BBX: variants seen among roughly 807,000 people sequenced by gnomAD.
BBX encodes the protein BBX high mobility group box domain containing, also known as HMG box transcription factor BBX.
A neutral mutation model predicts 100.2 loss-of-function variants in BBX; 30 were observed. The observed-to-expected ratio is 0.30, with a 90% CI of 0.22 to 0.41. BBX has a LOEUF of 0.41. Among genes scored for constraint, BBX ranks in the 10% least tolerant of loss-of-function variants. The pLI, the probability that BBX is intolerant of heterozygous loss-of-function variation, is 1.00. For synonymous variants in BBX, 376 were observed against 388.1 expected, an observed-to-expected ratio of 0.97 and a Z score of 0.37; for missense variants, 1,023 against 1,129.8, an observed-to-expected ratio of 0.91 and a Z score of 1.35.
chr3:107,772,248 C>G (rs1034482635), intron 10 of BBX, among the ~76,000 whole-genome samples: 1 of 152,162 alleles, frequency 6.6e-6, no homozygotes, highest in Non-Finnish European at 1.5e-5. Context: ...ACAGAAGCCA[C>G]AGAGGAGTGA....
intron 12 of BBX, among the ~76,000 whole-genome samples, chr3:107,775,092 T>C (rs941852520): frequency 6.6e-6 from 1 of 152,194 alleles, no homozygotes; most frequent in Non-Finnish European, 1.5e-5. Context: ...AGTGAAAATA[T>C]ATAGACTTTA....
chr3:107,575,753 A>G (rs778128890), intron 2 of BBX, among the ~76,000 whole-genome samples: 3 of 152,162 alleles, frequency 2.0e-5, no homozygotes, highest in Non-Finnish European at 2.9e-5. Context: ...AATAATTTCA[A>G]TAGGCAGTAG....
At chr3:107,775,499 G>C (rs1451882161) in intron 12 of BBX, among the ~76,000 whole-genome samples, 1 of 152,084 alleles carries the variant, frequency 6.6e-6, no homozygotes, top group East Asian at 1.9e-4. Flanking sequence ...TGTTAGTTAG[G>C]AGATCCAATA....
chr3:107,531,607 CT>C lies in BBX; in HGVS notation c.-84+5210del, dbSNP rs534447995. 8.6e-5 allele frequency among the ~76,000 whole-genome samples: 13 copies of C among 151,684 alleles called. No individual in the cohort carries two copies. The South Asian group carries it at 2.7e-3, about 32-fold the overall frequency. ...TTTTTCTCTAAAGTGATTCTCACCT[CT>C]AGTTATCATGAAACATGGGTATGTT... On this transcript the variant is annotated intron_variant, in intron 2 of 17. Transcript: ENST00000325805.
chr3:107,741,018 C>G (rs2064054193), intron 7 of BBX, among the ~76,000 whole-genome samples: 1 of 150,062 alleles, frequency 6.7e-6, no homozygotes, highest in Non-Finnish European at 1.5e-5. Context: ...GTCTTTGTGT[C>G]TGGCATGTCA....
chr3:107,671,838 A>G (rs1486414489), intron 3 of BBX, among the ~76,000 whole-genome samples: 1 of 152,082 alleles, frequency 6.6e-6, no homozygotes, highest in Non-Finnish European at 1.5e-5. Flanking sequence ...TGCTACAAGA[A>G]TAATGACCAC....
At chr3:107,770,082 A>C (rs1417904536) in intron 10 of BBX, among the ~76,000 whole-genome samples, 1 of 152,250 alleles carries the variant, frequency 6.6e-6, no homozygotes, top group Admixed American at 6.5e-5. Context: ...AATTACCTAC[A>C]CAAGAAATAT....
chr3:107,536,264 G>A (rs895242471), intron 2 of BBX, among the ~76,000 whole-genome samples: 3 of 152,158 alleles, frequency 2.0e-5, no homozygotes, highest in Non-Finnish European at 4.4e-5. Flanking sequence ...TTGCTTTTTG[G>A]TACTAAGAGC....
At chr3:107,745,606 A>G (rs1277408017) in intron 8 of BBX, among the ~76,000 whole-genome samples, 2 of 151,930 alleles carry the variant, frequency 1.3e-5, no homozygotes, top group East Asian at 3.9e-4. Context: ...GACTGCAGGC[A>G]CATGCCACCA....
chr3:107,630,163 T>C (rs1267873034), intron 2 of BBX, among the ~76,000 whole-genome samples: 1 of 152,188 alleles, frequency 6.6e-6, no homozygotes, highest in Non-Finnish European at 1.5e-5. Flanking sequence ...TCTGGATGCC[T>C]GAGACCAATG....
chr3:107,554,144 G>A (rs546919942), intron 2 of BBX, among the ~76,000 whole-genome samples: 1 of 152,316 alleles, frequency 6.6e-6, no homozygotes, highest in South Asian at 2.1e-4. Flanking sequence ...CTAAACCCAG[G>A]AGTGCCGGGT....
chr3:107,553,941 T>C (rs754702787), intron 2 of BBX, among the ~76,000 whole-genome samples: 1 of 152,226 alleles, frequency 6.6e-6, no homozygotes, highest in Non-Finnish European at 1.5e-5. Flanking sequence ...AGGTTTGTTA[T>C]GTGTTTTTTT....
chr3:107,596,477 C>T (rs1429521046), intron 2 of BBX, among the ~76,000 whole-genome samples: 1 of 152,140 alleles, frequency 6.6e-6, no homozygotes, highest in East Asian at 1.9e-4. Flanking sequence ...AAGTTGGGAC[C>T]CAGAGAGTTT....
At chr3:107,772,494 A>G in intron 10 of BBX, 134 bp from the exon 11 acceptor site, 1 of 935,480 alleles carries the variant, frequency 1.1e-6, no homozygotes, top group Non-Finnish European at 1.5e-6. Context: ...GTTTGGCAGA[A>G]GTGGGCTGAT....
chr3:107,650,703 T>A (rs2057791188), intron 3 of BBX, among the ~76,000 whole-genome samples: 1 of 152,234 alleles, frequency 6.6e-6, no homozygotes. Context: ...ATTAGTTGCT[T>A]ATTCACCTGG....
At chr3:107,532,714 T>G (rs1262604652) in intron 2 of BBX, among the ~76,000 whole-genome samples, 1 of 152,182 alleles carries the variant, frequency 6.6e-6, no homozygotes, top group Non-Finnish European at 1.5e-5. Flanking sequence ...CAAATACACA[T>G]TGACACAAAA....
intron 2 of BBX, among the ~76,000 whole-genome samples, chr3:107,529,507 C>T (rs1385932807): frequency 6.6e-6 from 1 of 152,184 alleles, no homozygotes; most frequent in Admixed American, 6.5e-5. Context: ...AGCAACACTG[C>T]TATGAAGGGA....
intron 4 of BBX, among the ~76,000 whole-genome samples, chr3:107,711,638 T>G (rs1348279219): frequency 6.6e-6 from 1 of 152,158 alleles, no homozygotes; most frequent in Non-Finnish European, 1.5e-5. Context: ...CCTGTACACA[T>G]CTATGTAATT....
intron 3 of BBX, among the ~76,000 whole-genome samples, chr3:107,689,078 A>G (rs1285391156): frequency 1.3e-5 from 2 of 152,156 alleles, no homozygotes; most frequent in Non-Finnish European, 2.9e-5. Flanking sequence ...GCGATCAAGT[A>G]TATTTTATTT....
Sources: allele counts gnomAD v4.1 joint callset (sites outside exome capture counted in the v4.1 genomes callset), GRCh38; gene constraint gnomAD v4.1.1; transcripts MANE v1.5; gene names NCBI Gene and HGNC (gene_info 2026-07-23, HGNC 2026-07-21).